Variants in DENND1A observed in about 807,000 individuals in gnomAD.
DENND1A encodes the protein DENN domain containing 1A, also known as DENN domain-containing protein 1A.
DENND1A carries 51 observed loss-of-function variants against 113.7 expected under a neutral mutation model. The observed-to-expected ratio is 0.45, with a 90% CI of 0.36 to 0.57. The LOEUF is 0.57. Ranked by LOEUF, DENND1A falls within the 20% of genes least tolerant of loss-of-function variation. DENND1A has a pLI of 0.00. For synonymous variants in DENND1A, 565 were observed against 570.8 expected (o/e 0.99, Z 0.14); for missense variants, 1,258 against 1,395.9 (o/e 0.90, Z 1.57).
intron 2 of DENND1A, among the ~76,000 whole-genome samples, chr9:123,820,495 G>A (rs993003294): frequency 4.6e-5 from 7 of 152,154 alleles, no homozygotes; most frequent in Admixed American, 1.3e-4. Context: ...AGTATGAGAC[G>A]TGTGAGCTGA....
chr9:123,663,930 G>A (rs928993725), intron 8 of DENND1A, among the ~76,000 whole-genome samples: 14 of 151,946 alleles, frequency 9.2e-5, no homozygotes, highest in Non-Finnish European at 1.8e-4. Flanking sequence ...AAACTAACCT[G>A]CTCTGAATAA....
intron 5 of DENND1A, among the ~76,000 whole-genome samples, chr9:123,733,976 T>C (rs2068375741): frequency 6.6e-6 from 1 of 152,124 alleles, no homozygotes; most frequent in African/African-American, 2.4e-5. Flanking sequence ...TCTTGTTTGC[T>C]TCTTTTCAAG....
chr9:123,833,026 G>C (rs1430883065), intron 2 of DENND1A, among the ~76,000 whole-genome samples: 1 of 145,804 alleles, frequency 6.9e-6, no homozygotes, highest in Non-Finnish European at 1.5e-5. Flanking sequence ...TCAGGAAGCT[G>C]AAGTAGGAGG....
chr9:123,539,080 G>C (rs2056078230), intron 13 of DENND1A, among the ~76,000 whole-genome samples: 1 of 151,772 alleles, frequency 6.6e-6, no homozygotes, highest in South Asian at 2.1e-4. Context: ...TATAAGCTTA[G>C]AATATCACCA....
intron 11 of DENND1A, among the ~76,000 whole-genome samples, chr9:123,606,989 C>A (rs541531496): frequency 7.8e-4 from 119 of 152,280 alleles, no homozygotes; most frequent in African/African-American, 2.6e-3. Context: ...TCAGCAGGAG[C>A]ACAAGCTAAC....
At chr9:123,567,108 C>A (rs2058097714) in intron 12 of DENND1A, among the ~76,000 whole-genome samples, 1 of 152,186 alleles carries the variant, frequency 6.6e-6, no homozygotes, top group Admixed American at 6.5e-5. Context: ...CATACACACA[C>A]ATATATTTAT....
chr9:123,645,296 G>A (rs1425969528), intron 9 of DENND1A, among the ~76,000 whole-genome samples: 1 of 152,120 alleles, frequency 6.6e-6, no homozygotes, highest in Non-Finnish European at 1.5e-5. Flanking sequence ...GGAGCATTAA[G>A]CCTCCATCTT....
chr9:123,525,122 C>T (rs1442961331), intron 13 of DENND1A, among the ~76,000 whole-genome samples: 2 of 152,156 alleles, frequency 1.3e-5, no homozygotes, highest in African/African-American at 2.4e-5. Flanking sequence ...AAGGAGGAGA[C>T]GTGTTCGAGG....
intron 4 of DENND1A, among the ~76,000 whole-genome samples, chr9:123,762,816 C>G (rs987887181): frequency 6.6e-6 from 1 of 152,132 alleles, no homozygotes; most frequent in Non-Finnish European, 1.5e-5. Flanking sequence ...GGTAGCTTCT[C>G]AGGGATGGCA....
intron 13 of DENND1A, among the ~76,000 whole-genome samples, chr9:123,464,513 G>A (rs1159320021): frequency 6.6e-6 from 1 of 152,190 alleles, no homozygotes; most frequent in Non-Finnish European, 1.5e-5. Flanking sequence ...GGTTCCACTT[G>A]TATGAGGTAC....
intron 17 of DENND1A, 48 bp downstream of exon 17, chr9:123,452,228 C>G (rs371372653): frequency 6.6e-7 from 1 of 1,521,894 alleles, no homozygotes; most frequent in African/African-American, 1.4e-5. Flanking sequence ...TCTCATCATG[C>G]TAAGGGACTG....
intron 3 of DENND1A, among the ~76,000 whole-genome samples, chr9:123,778,205 A>G (rs1159315034): frequency 1.3e-5 from 2 of 152,222 alleles, no homozygotes; most frequent in African/African-American, 2.4e-5. Context: ...TCTCACATAC[A>G]TATTTCATTT....
intron 9 of DENND1A, among the ~76,000 whole-genome samples, chr9:123,631,325 A>T (rs1285972517): frequency 1.3e-5 from 2 of 152,100 alleles, no homozygotes; most frequent in Non-Finnish European, 2.9e-5. Flanking sequence ...ACATTTTGTC[A>T]TATGTTTCTT....
At chr9:123,867,079 T>C (rs369057246) in intron 2 of DENND1A, among the ~76,000 whole-genome samples, 41 of 152,322 alleles carry the variant, frequency 2.7e-4, no homozygotes, top group African/African-American at 8.9e-4. Flanking sequence ...TAAAGTCTTC[T>C]GCTGGGCAAA....
At chr9:123,449,210 T>C (rs1054838296) in intron 18 of DENND1A, among the ~76,000 whole-genome samples, 2 of 152,274 alleles carry the variant, frequency 1.3e-5, no homozygotes, top group East Asian at 3.9e-4. Context: ...TGAAAGCTCC[T>C]AGTCTGGCCC....
intron 19 of DENND1A, among the ~76,000 whole-genome samples, chr9:123,428,632 T>C (rs746129407): frequency 3.9e-5 from 6 of 152,242 alleles, no homozygotes; most frequent in South Asian, 2.1e-4. Flanking sequence ...GCAGATGACA[T>C]GATCCTATAT....
intron 1 of DENND1A, among the ~76,000 whole-genome samples, chr9:123,881,841 G>A (rs1564438984): frequency 1.3e-5 from 2 of 152,120 alleles, no homozygotes; most frequent in South Asian, 2.1e-4. Context: ...AAACAACTTG[G>A]TCAAGGTAAC....
At chr9:123,754,944 A>G (rs563345393) in intron 5 of DENND1A, among the ~76,000 whole-genome samples, 1 of 152,256 alleles carries the variant, frequency 6.6e-6, no homozygotes, top group South Asian at 2.1e-4. Context: ...AGTTTAGAAT[A>G]TACATATACA....
chr9:123,773,272 T>G (rs1829999416), intron 3 of DENND1A, among the ~76,000 whole-genome samples: 1 of 151,974 alleles, frequency 6.6e-6, no homozygotes, highest in Non-Finnish European at 1.5e-5. Flanking sequence ...AGCCTCAGAG[T>G]ATGAACCAAA....
Sources: gnomAD v4.1 joint callset for allele counts (sites outside exome capture counted in the v4.1 genomes callset) on GRCh38, gnomAD v4.1.1 for gene constraint, MANE v1.5 for transcripts, NCBI Gene and HGNC (gene_info 2026-07-23, HGNC 2026-07-21) for gene names.